Variants in IPO13 observed in about 807,000 individuals in gnomAD.
IPO13 encodes the protein importin-13.
A neutral mutation model predicts 115.5 loss-of-function variants in IPO13; 28 were observed. That is an observed-to-expected ratio of 0.24 (90% confidence interval 0.18 to 0.33). IPO13 has a LOEUF of 0.33. Among genes scored for constraint, IPO13 ranks in the 10% least tolerant of loss-of-function variants. The pLI, the probability that IPO13 is intolerant of heterozygous loss-of-function variation, is 1.00. For synonymous variants in IPO13, 414 were observed against 478.9 expected (o/e 0.86, Z 1.77); for missense variants, 785 against 1,204.6 (o/e 0.65, Z 5.16).
In IPO13 at chr1:43,967,562, C is replaced by T; in HGVS notation, c.2796-24C>T. The T allele has an allele frequency of 6.2e-7, 1 of 1,614,112 alleles. No homozygotes were observed. The highest frequency in any genetic ancestry group is 8.5e-7 in the Non-Finnish European group (1 of 1,179,986). On this transcript the variant is annotated intron_variant, in intron 19 of 19. Transcript: ENST00000372343. The surrounding 1 kb of genome is among the most constrained non-coding windows in gnomAD (Gnocchi z 6.1). ...GGGCAGTGGTGGTGGCTGGTGCTAA[C>T]CTGCTCTCCCTTTTCTCCTTCAGCG...
chr1:43,956,669 T>A lies in IPO13; in HGVS notation c.1072T>A (p.Ser358Thr). The A allele has an allele frequency of 6.2e-7, 1 of 1,614,202 alleles. No individual in the cohort carries two copies. ...CTATCCTGTCAATGAGACCACCAGCTCCCTAACCCTCACCTTCTGGTACAC... is the reference window on the plus strand; with the variant it reads ...CTATCCTGTCAATGAGACCACCAGCACCCTAACCCTCACCTTCTGGTACAC... ...GHYPVNETTS[S>T]LTLTFWYTLQ... Residue 358 changes from serine to threonine, a missense_variant, in exon 4 of 20, where the codon TCC becomes ACC. Physicochemically the swap from Ser to Thr is moderately conservative, Grantham distance 58. Around this residue, in one of 3 missense-constraint regions of IPO13, gnomAD observed 175 missense variants for 360.0 expected, o/e 0.49. Coordinates refer to ENST00000372343, the MANE Select transcript of IPO13 (RefSeq NM_014652.4). This position sits in a 1 kb window ranked among gnomAD's most constrained non-coding sequence, Gnocchi z 4.7.
chr1:43,966,432 G>A lies in IPO13; in HGVS notation c.2398-143G>A, dbSNP rs1308924435. Reference sequence around the variant, plus strand: ...GACCTACTGAACTCTGAGGTGGTCCGGGTCCCCCAGAGATGGCTGGGTAGC... The same window carrying A: ...GACCTACTGAACTCTGAGGTGGTCCAGGTCCCCCAGAGATGGCTGGGTAGC... On this transcript the variant is annotated intron_variant, in intron 15 of 19. Transcript: ENST00000372343. This position sits in a 1 kb window ranked among gnomAD's most constrained non-coding sequence, Gnocchi z 4.1. 9.1e-6 allele frequency: 7 copies of A among 772,366 alleles called. No homozygotes were observed. The highest frequency in any genetic ancestry group is 2.0e-5 in the Admixed American group (1 of 49,414). The allele number at this position is 772,366 out of a possible 1,614,324, so 47.8% of individuals were successfully genotyped here. A position where few individuals can be genotyped will look rare whatever the true frequency, so the allele number is the denominator to read the frequency against.
Position 43,949,459 on chromosome 1 carries a change from A to G in IPO13, c.127A>G (p.Asn43Asp). Residue 43 changes from asparagine to aspartate, a missense_variant, in exon 2 of 20, where the codon AAC (asparagine) becomes GAC (aspartate). This residue lies in a region of IPO13 where 325 missense variants were observed against 449.8 expected (regional missense o/e 0.72). Transcript: ENST00000372343. ...LYYDPNIENKNLAQKWLMQAQ... is the reference protein window; with the variant it reads ...LYYDPNIENKDLAQKWLMQAQ... Reference sequence around the variant, plus strand: ...CTATGATCCCAACATTGAGAATAAGAACCTGGCTCAGAAGTGGCTGATGCA... The same window carrying G: ...CTATGATCCCAACATTGAGAATAAGGACCTGGCTCAGAAGTGGCTGATGCA... The G allele has an allele frequency of 6.2e-7, 1 of 1,613,168 alleles. No homozygotes were observed. The highest frequency in any genetic ancestry group is 1.1e-5 in the South Asian group (1 of 91,064).
At chr1:43,950,244 G>A in intron 2 of IPO13, 91 bp downstream of exon 2, 1 of 1,398,664 alleles carries the variant, frequency 7.1e-7, no homozygotes, top group Non-Finnish European at 9.6e-7. Context: ...AATTGAATGT[G>A]TACTGATACC....
chr1:43,960,354 C>G, intron 12 of IPO13, 25 bp downstream of exon 12: 1 of 1,595,688 alleles, frequency 6.3e-7, no homozygotes, highest in Non-Finnish European at 8.6e-7. Context: ...TTGCCCTCCG[C>G]TCCCATAGTG....
At chr1:43,957,032 G>A (rs1186417985) in intron 5 of IPO13, 56 bp downstream of exon 5, 1 of 1,590,314 alleles carries the variant, frequency 6.3e-7, no homozygotes, top group African/African-American at 1.4e-5. Context: ...TGAAGGCAAT[G>A]AGGGAAGGGG....
intron 1 of IPO13, among the ~76,000 whole-genome samples, chr1:43,948,310 T>G (rs116765549): frequency 0.019 from 2,863 of 152,252 alleles, 45 homozygotes; most frequent in Non-Finnish European, 0.028. Flanking sequence ...CCTCCCAGGC[T>G]CCCCGACTGC....
chr1:43,947,693 G>C lies in IPO13; in HGVS notation c.84+9G>C. On this transcript the variant is annotated intron_variant, in intron 1 of 19. Coordinates refer to ENST00000372343, the MANE Select transcript of IPO13 (RefSeq NM_014652.4). ...TGGAGAACGTGGAGAAGGTATGAGG[G>C]CTCTGGGGTGGGCACTCCAGTGACA... The C allele has an allele frequency of 7.7e-7, 1 of 1,290,740 alleles. No homozygotes were observed. The highest frequency in any genetic ancestry group is 9.9e-7 in the Non-Finnish European group (1 of 1,005,434). 80.0% of individuals were successfully genotyped at this position (1,290,740 alleles called of 1,614,324 possible).
In IPO13 at chr1:43,956,513, G is replaced by T. The variant is rs1193232691; in HGVS notation, c.963-47G>T. 1.2e-6 allele frequency: 2 copies of T among 1,613,938 alleles called. No individual in the cohort carries two copies. Among genetic ancestry groups the T allele is most frequent in the African/African-American group, 2.7e-5 (2 of 74,924 alleles). The stretch of plus-strand genomic sequence containing the variant: ...ATAGTAGGGCCCTCTAAGAAATGGG[G>T]TTCTGGAAGTCCCTGGAAAGGTAGA... On this transcript the variant is annotated intron_variant, in intron 3 of 19. Transcript: ENST00000372343. This position sits in a 1 kb window ranked among gnomAD's most constrained non-coding sequence, Gnocchi z 4.7.
chr1:43,958,671 C>T lies in IPO13; in HGVS notation c.1885-75C>T, dbSNP rs985831823. The T allele has an allele frequency of 1.2e-6, 2 of 1,612,008 alleles. No homozygotes were observed. Among genetic ancestry groups the T allele is most frequent in the Non-Finnish European group, 8.5e-7 (1 of 1,178,492 alleles). On this transcript the variant is annotated intron_variant, in intron 10 of 19. Transcript: ENST00000372343. The surrounding 1 kb of genome is among the most constrained non-coding windows in gnomAD (Gnocchi z 6.3). Reference sequence around the variant, plus strand: ...GAGGGGTGAGGTTGGAGCTGGCCCTCAGAGCTGAGGCTCAGTGATCTGGGG... The same window carrying T: ...GAGGGGTGAGGTTGGAGCTGGCCCTTAGAGCTGAGGCTCAGTGATCTGGGG...
At chr1:43,955,439 T>C (rs1164852441) in intron 2 of IPO13, among the ~76,000 whole-genome samples, 1 of 152,172 alleles carries the variant, frequency 6.6e-6, no homozygotes, top group Non-Finnish European at 1.5e-5. Context: ...TTGTGAAGGA[T>C]AGAAGTCTGA....
In IPO13 at chr1:43,952,743, A is replaced by G. The variant is rs1557631039; in HGVS notation, c.821+2590A>G. ...TTAAATAAAATATTGGGTTGATTTTAAAAAATAAAAGATTGTTTCGGTATG... is the reference window on the plus strand; with the variant it reads ...TTAAATAAAATATTGGGTTGATTTTGAAAAATAAAAGATTGTTTCGGTATG... On this transcript the variant is annotated intron_variant, in intron 2 of 19. Transcript: ENST00000372343. This position sits in a 1 kb window ranked among gnomAD's most constrained non-coding sequence, Gnocchi z 4.7. Among the ~76,000 whole-genome samples the G allele has an allele frequency of 6.6e-6, 1 of 152,242 alleles. No homozygotes were observed. The highest frequency in any genetic ancestry group is 1.5e-5 in the Non-Finnish European group (1 of 68,050).
Position 43,960,984 on chromosome 1 carries a change from C to G in IPO13, c.2218C>G (p.Gln740Glu), listed in dbSNP as rs2085285485. 10 of 1,614,212 alleles carry G rather than the reference C, an allele frequency of 6.2e-6. No homozygotes were observed. Among genetic ancestry groups the G allele is most frequent in the African/African-American group, 1.3e-5 (1 of 75,064 alleles). ...GGGTCGGATGTACAGCACCATCCCC[C>G]AGGCCTCTGCTCTTGACCTCACTCG... Reference protein sequence around the residue: ...MLGRMYSTIPQASALDLTRQL... With the variant: ...MLGRMYSTIPEASALDLTRQL... Residue 740 changes from glutamine to glutamate, a missense_variant, in exon 13 of 20, where the codon CAG becomes GAG. By Grantham distance (29) the Gln-to-Glu change is conservative. Around this residue, in one of 3 missense-constraint regions of IPO13, gnomAD observed 285 missense variants for 394.8 expected, o/e 0.72. Transcript: ENST00000372343.
intron 1 of IPO13, among the ~76,000 whole-genome samples, chr1:43,948,353 C>T (rs544585130): frequency 6.6e-6 from 1 of 152,240 alleles, no homozygotes; most frequent in African/African-American, 2.4e-5. Flanking sequence ...CTCTTTGGTT[C>T]TTTTCTGTAT....
rs2085329864 is a variant in IPO13, at chr1:43,966,946, G to A, written c.2540G>A (p.Arg847Gln). The A allele has an allele frequency of 6.2e-6, 10 of 1,613,756 alleles. No homozygotes were observed. The highest frequency in any genetic ancestry group is 1.3e-5 in the African/African-American group (1 of 74,908). ...SCGFFTELLP[R>Q]CGEVESVGKV... ...CCTCTGCAGACAGAGCTGCTGCCTC[G>A]GTGTGGGGAAGTAGAGTCTGTGGGA... Residue 847 changes from arginine (R) to glutamine (Q), a missense_variant, in exon 18 of 20, where the codon CGG becomes CAG. Coordinates refer to ENST00000372343, the MANE Select transcript of IPO13 (RefSeq NM_014652.4). The surrounding 1 kb of genome is among the most constrained non-coding windows in gnomAD (Gnocchi z 4.1).
chr1:43,955,335 C>T (rs908094107), intron 2 of IPO13, among the ~76,000 whole-genome samples: 1 of 152,108 alleles, frequency 6.6e-6, no homozygotes. Context: ...GTTCAATCAC[C>T]CCTGACAGAC....
In IPO13 at chr1:43,957,537, A is replaced by T; in HGVS notation, c.1528A>T (p.Met510Leu). 2 of 1,614,178 alleles carry T rather than the reference A, an allele frequency of 1.2e-6. No individual in the cohort carries two copies. Among genetic ancestry groups the T allele is most frequent in the East Asian group, 4.5e-5 (2 of 44,880 alleles). ...ISNVQLADTVMFTIGALSEWL... is the reference protein window; with the variant it reads ...ISNVQLADTVLFTIGALSEWL... ...CAACGTGCAGCTGGCAGACACTGTC[A>T]TGTTCACCATTGGTGAGACCTGGCA... Residue 510 changes from methionine (M) to leucine (L), a missense_variant, in exon 7 of 20, where the codon ATG (methionine) becomes TTG (leucine). Physicochemically the swap from Met to Leu is conservative, Grantham distance 15. Around this residue, in one of 3 missense-constraint regions of IPO13, gnomAD observed 175 missense variants for 360.0 expected, o/e 0.49. Coordinates refer to ENST00000372343, the MANE Select transcript of IPO13 (RefSeq NM_014652.4).
At position 43,952,422 on chromosome 1, in the gene IPO13, C is replaced by A. The variant is rs1012124739; in HGVS notation, c.821+2269C>A. ...TAACCTCAGGTGATCCATCTGCCTCCGCCTCCCAAAGTGCTGGGATTACAG... is the reference window on the plus strand; with the variant it reads ...TAACCTCAGGTGATCCATCTGCCTCAGCCTCCCAAAGTGCTGGGATTACAG... On this transcript the variant is annotated intron_variant, in intron 2 of 19. Transcript: ENST00000372343. This position sits in a 1 kb window ranked among gnomAD's most constrained non-coding sequence, Gnocchi z 4.7. Among the ~76,000 whole-genome samples, 1 of 152,090 alleles carries A rather than the reference C, an allele frequency of 6.6e-6. No homozygotes were observed. Among genetic ancestry groups the A allele is most frequent in the Non-Finnish European group, 1.5e-5 (1 of 68,022 alleles).
chr1:43,947,303 G>C lies in IPO13; in HGVS notation c.-298G>C, dbSNP rs1208819041. On this transcript the variant is annotated 5_prime_UTR_variant, in exon 1 of 20. Transcript: ENST00000372343. ...CCTCCCCTGTGACTCCCTCCACACA[G>C]ATTCTGGGGACAGAGCTGTTACCTG... The C allele has an allele frequency of 7.5e-6, 3 of 399,260 alleles. No homozygotes were observed. Among genetic ancestry groups the C allele is most frequent in the Non-Finnish European group, 8.8e-6 (2 of 226,346 alleles). The allele number at this position is 399,260 out of a possible 1,614,324, so 24.7% of individuals were successfully genotyped here. A position where few individuals can be genotyped will look rare whatever the true frequency, so the allele number is the denominator to read the frequency against.
Sources: allele counts gnomAD v4.1 joint callset (sites outside exome capture counted in the v4.1 genomes callset), GRCh38; gene constraint gnomAD v4.1.1; regional missense constraint gnomAD v4.1.1; non-coding constraint Gnocchi (gnomAD v3.1); transcripts MANE v1.5; gene names NCBI Gene and HGNC (gene_info 2026-07-23, HGNC 2026-07-21).